Variants in DNTTIP2 observed in about 807,000 individuals in gnomAD.
The protein encoded by DNTTIP2 is deoxynucleotidyltransferase terminal interacting protein 2, also known as deoxynucleotidyltransferase terminal-interacting protein 2.
DNTTIP2 carries 47 observed loss-of-function variants against 62.4 expected under a neutral mutation model. The ratio of observed to expected loss-of-function variants is 0.75; its 90% CI spans 0.60 to 0.96. The LOEUF (loss-of-function observed/expected upper bound fraction) is 0.96, where lower values mean the gene tolerates loss of function less well. DNTTIP2 is among the 40% of genes least tolerant of loss of function. The pLI is 0.00. For synonymous variants in DNTTIP2, 322 were observed against 300.9 expected (o/e 1.07, Z -0.73); for missense variants, 870 against 849.1 (o/e 1.02, Z -0.31).
At chr1:93,872,317 C>G in intron 4 of DNTTIP2, 81 bp from the exon 5 acceptor site, 1 of 1,385,562 alleles carries the variant, frequency 7.2e-7, no homozygotes, top group Non-Finnish European at 9.8e-7. Context: ...GTAACACATA[C>G]AGAAAATTTT....
Position 93,866,600 on chromosome 1 carries a change from C to G in DNTTIP2, c.*3251G>C, listed in dbSNP as rs1345934009. The G allele has an allele frequency of 6.6e-6, 1 of 152,090 alleles. No homozygotes were observed. The highest frequency in any genetic ancestry group is 6.5e-5 in the Admixed American group (1 of 15,270). The allele number at this position is 152,090 out of a possible 1,614,324, so 9.4% of individuals were successfully genotyped here. ...AAGAATGGGATCCTATTAATGTATA[C>G]CAGTTACTAAGGTTTTGTTGAACTT... On this transcript the variant is annotated 3_prime_UTR_variant, in exon 7 of 7. Transcript: ENST00000436063.
In DNTTIP2 at chr1:93,877,861, C is replaced by G; in HGVS notation, c.74G>C (p.Ser25Thr). The G allele has an allele frequency of 6.3e-7, 1 of 1,598,250 alleles. No individual in the cohort carries two copies. The highest frequency in any genetic ancestry group is 8.5e-7 in the Non-Finnish European group (1 of 1,178,702). ...CGCTTGAATCCCATTAGCAGCAAAA[C>G]TCTGCAAACCAGAGAAAACACACTG... is the stretch of plus-strand genomic sequence containing the variant. Reference protein sequence around the residue: ...AASAESSGQKSFAANGIQAHP... With the variant: ...AASAESSGQKTFAANGIQAHP... The change falls in exon 2 of 7, where the codon AGT becomes ACT. Residue 25 changes from serine to threonine, a missense_variant and splice_region_variant. Transcript: ENST00000436063.
At chr1:93,878,013 A>G (rs1656059268) in intron 1 of DNTTIP2, 151 bp from the exon 2 acceptor site, 2 of 1,283,090 alleles carry the variant, frequency 1.6e-6, no homozygotes, top group Non-Finnish European at 2.1e-6. Flanking sequence ...GATTTTTAAA[A>G]AATCAAAATT....
chr1:93,875,561 A>G, intron 3 of DNTTIP2, 84 bp downstream of exon 3: 1 of 1,429,278 alleles, frequency 7.0e-7, no homozygotes, highest in East Asian at 2.4e-5. Context: ...GTTTCACTGT[A>G]GGAAAATTAA....
chr1:93,878,216 A>G (rs1656067611), intron 1 of DNTTIP2, among the ~76,000 whole-genome samples: 1 of 152,136 alleles, frequency 6.6e-6, no homozygotes, highest in East Asian at 1.9e-4. Flanking sequence ...AGGCAGAAGA[A>G]TTGTTGGAAT....
intron 6 of DNTTIP2, 58 bp downstream of exon 6, chr1:93,870,625 G>A: frequency 1.1e-6 from 1 of 901,412 alleles, no homozygotes; most frequent in Non-Finnish European, 1.6e-6. Context: ...AAATTTATAA[G>A]TTTATACATT....
chr1:93,873,410 A>AAGAAAAC, intron 3 of DNTTIP2, 196 bp from the exon 4 acceptor site: 1 of 425,370 alleles, frequency 2.4e-6, no homozygotes, highest in African/African-American at 2.1e-5. Flanking sequence ...TGGTCAACAT[A>AAGAAAAC]GCAAGACCCT....
intron 1 of DNTTIP2, 152 bp downstream of exon 1, chr1:93,878,925 C>G (rs999943229): frequency 2.1e-6 from 2 of 957,752 alleles, no homozygotes; most frequent in Admixed American, 5.7e-5. Flanking sequence ...CCGTGACAGG[C>G]TTAGCACGGG....
intron 2 of DNTTIP2, 96 bp from the exon 3 acceptor site, chr1:93,875,879 T>C: frequency 1.6e-6 from 2 of 1,276,436 alleles, no homozygotes; most frequent in Non-Finnish European, 2.1e-6. Context: ...TTCTCTTCCC[T>C]TGTATTGTCC....
chr1:93,872,057 C>T lies in DNTTIP2; in HGVS notation c.2067+15G>A, dbSNP rs370834042. On this transcript the variant is annotated intron_variant, in intron 5 of 6. Transcript: ENST00000436063. ...AAATTCACAGATCATCACCACTATTCTGTTTGCTTCATACCTGGAAGTACT... is the reference window on the plus strand; with the variant it reads ...AAATTCACAGATCATCACCACTATTTTGTTTGCTTCATACCTGGAAGTACT... 66 of 1,613,200 alleles carry T rather than the reference C, an allele frequency of 4.1e-5. No homozygotes were observed. The highest frequency in any genetic ancestry group is 5.0e-5 in the Non-Finnish European group (59 of 1,179,588).
intron 5 of DNTTIP2, chr1:93,871,032 G>C (rs1183941464): frequency 1.4e-5 from 4 of 287,454 alleles, no homozygotes; most frequent in Non-Finnish European, 2.6e-5. Context: ...CTAAATTCAT[G>C]ATGCACAGTG....
rs763097791 is a variant in DNTTIP2, at chr1:93,876,865, T to A, written c.1070A>T (p.Glu357Val). Reference sequence around the variant, plus strand: ...TTGAGTTAATGATTTCATTACAGCCTCAGAGTTCAGATTAGAGTGCACTGA... The same window carrying A: ...TTGAGTTAATGATTTCATTACAGCCACAGAGTTCAGATTAGAGTGCACTGA... Reference protein sequence around the residue: ...AVSVHSNLNSEAVMKSLTQTF... With the variant: ...AVSVHSNLNSVAVMKSLTQTF... Residue 357 changes from glutamate to valine, a missense_variant, in exon 2 of 7, where the codon GAG (glutamate) becomes GTG (valine). Coordinates refer to ENST00000436063, the MANE Select transcript of DNTTIP2 (RefSeq NM_014597.5). 2 of 1,614,022 alleles carry A rather than the reference T, an allele frequency of 1.2e-6. No homozygotes were observed. Among genetic ancestry groups the A allele is most frequent in the Admixed American group, 3.3e-5 (2 of 60,030 alleles).
Position 93,877,657 on chromosome 1 carries a change from T to C in DNTTIP2, c.278A>G (p.Asn93Ser). The part of the protein sequence containing the change: ...TDGETSEAES[N>S]YSVSEHHDTI... The stretch of plus-strand genomic sequence containing the variant: ...ATCATGGTGCTCAGACACAGAATAA[T>C]TTGACTCTGCCTCAGAGGTTTCTCC... Residue 93 changes from asparagine (N) to serine (S), a missense_variant, in exon 2 of 7, where the codon AAT (asparagine) becomes AGT (serine). By Grantham distance (46) the Asn-to-Ser change is conservative. Coordinates refer to ENST00000436063, the MANE Select transcript of DNTTIP2 (RefSeq NM_014597.5). 6.2e-7 allele frequency: 1 copy of C among 1,613,988 alleles called. No individual in the cohort carries two copies. The highest frequency in any genetic ancestry group is 8.5e-7 in the Non-Finnish European group (1 of 1,179,888).
chr1:93,875,270 T>A (rs1238502343), intron 3 of DNTTIP2, among the ~76,000 whole-genome samples: 1 of 152,224 alleles, frequency 6.6e-6, no homozygotes, highest in South Asian at 2.1e-4. Context: ...AATGTCTATA[T>A]GCACATGTGC....
intron 6 of DNTTIP2, 133 bp downstream of exon 6, chr1:93,870,549 TA>T: frequency 2.2e-6 from 1 of 458,654 alleles, no homozygotes; most frequent in Non-Finnish European, 3.7e-6. Flanking sequence ...TTATTTTTCA[TA>T]AAAATATATA....
Position 93,869,661 on chromosome 1 carries a change from G to T in DNTTIP2, c.*190C>A. On this transcript the variant is annotated 3_prime_UTR_variant, in exon 7 of 7. Coordinates refer to ENST00000436063, the MANE Select transcript of DNTTIP2 (RefSeq NM_014597.5). ...CCATAAAGAGTCTACACCAGGGTGG[G>T]TCTTTTAGACACCCCTATTTTCTAA... 1 of 521,026 alleles carries T rather than the reference G, an allele frequency of 1.9e-6. No homozygotes were observed. Among genetic ancestry groups the T allele is most frequent in the Non-Finnish European group, 3.5e-6 (1 of 284,830 alleles). The allele number at this position is 521,026 out of a possible 1,614,324, so 32.3% of individuals were successfully genotyped here.
intron 4 of DNTTIP2, 83 bp from the exon 5 acceptor site, chr1:93,872,319 G>A: frequency 7.3e-7 from 1 of 1,363,072 alleles, no homozygotes; most frequent in Non-Finnish European, 9.9e-7. Flanking sequence ...AACACATACA[G>A]AAAATTTTGT....
At chr1:93,870,517 C>T (rs554971151) in intron 6 of DNTTIP2, among the ~76,000 whole-genome samples, 166 bp downstream of exon 6, 2 of 152,036 alleles carry the variant, frequency 1.3e-5, no homozygotes, top group Middle Eastern at 3.4e-3. Flanking sequence ...TTAAGCCAGA[C>T]ATTAAAGAGA....
Position 93,866,489 on chromosome 1 carries a change from G to A in DNTTIP2, c.*3362C>T, listed in dbSNP as rs745328224. On this transcript the variant is annotated 3_prime_UTR_variant, in exon 7 of 7. Transcript: ENST00000436063. Reference sequence around the variant, plus strand: ...TAATTATTCTGAACAAGTTGTCACTGCCTGAGAGACTGAATACCTGGTACA... The same window carrying A: ...TAATTATTCTGAACAAGTTGTCACTACCTGAGAGACTGAATACCTGGTACA... The A allele has an allele frequency of 6.6e-6, 1 of 152,182 alleles. No homozygotes were observed. Among genetic ancestry groups the A allele is most frequent in the Non-Finnish European group, 1.5e-5 (1 of 68,030 alleles). 9.4% of individuals were successfully genotyped at this position (152,182 alleles called of 1,614,324 possible). A position where few individuals can be genotyped will look rare whatever the true frequency, so the allele number is the denominator to read the frequency against.
Sources: gnomAD v4.1 joint callset for allele counts (sites outside exome capture counted in the v4.1 genomes callset) on GRCh38, gnomAD v4.1.1 for gene constraint, MANE v1.5 for transcripts, NCBI Gene and HGNC (gene_info 2026-07-23, HGNC 2026-07-21) for gene names.